ALLC: variants seen among roughly 807,000 people sequenced by gnomAD.
ALLC encodes the protein probable inactive allantoicase.
ALLC carries 40 observed loss-of-function variants against 45.0 expected under a neutral mutation model. That is an observed-to-expected ratio of 0.89 (90% CI 0.69 to 1.16). ALLC has a LOEUF of 1.16. Among genes scored for constraint, ALLC ranks in the 50% most tolerant of loss-of-function variants. The probability of loss-of-function intolerance (pLI) is 0.00; values close to 1 mark genes in which losing one functional copy is unlikely to be tolerated. For synonymous variants in ALLC, 176 were observed against 178.1 expected, an observed-to-expected ratio of 0.99 and a Z score of 0.09; for missense variants, 488 against 493.1, an observed-to-expected ratio of 0.99 and a Z score of 0.10.
chr2:3,652,982 T>C, the ALLC span, among the ~76,000 whole-genome samples: 1 of 152,222 alleles, frequency 6.6e-6, no homozygotes, highest in Non-Finnish European at 1.5e-5. Flanking sequence ...TGTTATGGTC[T>C]TGGCTGGGCT....
At chr2:3,668,566 C>CTTTTTTTTTTTTTTT (rs1173613810) in intron 1 of ALLC, among the ~76,000 whole-genome samples, 11 of 71,890 alleles carry the variant, frequency 1.5e-4, no homozygotes, top group African/African-American at 6.6e-4. Context: ...ATGTGTATGA[C>CTTTTTTTTTTTTTTT]TTTTTTTTTT....
At chr2:3,696,394 AT>A (rs541577905) in intron 9 of ALLC, 46 bp downstream of exon 9, 1 of 1,511,490 alleles carries the variant, frequency 6.6e-7, no homozygotes, top group Non-Finnish European at 9.0e-7. Context: ...TCTTAAAAGT[AT>A]TTTTTGGAAC....
At chr2:3,669,796 C>T (rs768220713) in intron 1 of ALLC, among the ~76,000 whole-genome samples, 4 of 152,080 alleles carry the variant, frequency 2.6e-5, no homozygotes, top group African/African-American at 9.7e-5. Context: ...GCTGCTCCTC[C>T]CGGAGGTGGG....
intron 9 of ALLC, 36 bp from the exon 10 acceptor site, chr2:3,697,312 A>T (rs1390085055): frequency 6.4e-7 from 1 of 1,559,590 alleles, no homozygotes; most frequent in African/African-American, 1.4e-5. Context: ...AATGACTCCA[A>T]GTTCGTTTAC....
intron 1 of ALLC, among the ~76,000 whole-genome samples, chr2:3,663,872 C>T (rs1389621182): frequency 6.6e-6 from 1 of 152,226 alleles, no homozygotes; most frequent in African/African-American, 2.4e-5. Flanking sequence ...GATGGAAAAT[C>T]TCTTCTGTTC....
chr2:3,702,167 T>A (rs1383693849), intron 11 of ALLC, among the ~76,000 whole-genome samples, 196 bp from the exon 12 acceptor site: 1 of 152,206 alleles, frequency 6.6e-6, no homozygotes, highest in Non-Finnish European at 1.5e-5. Flanking sequence ...TATTGGGGCC[T>A]GCTTATTCAT....
chr2:3,653,320 T>C (rs1442502048), upstream of ALLC, among the ~76,000 whole-genome samples: 10 of 152,182 alleles, frequency 6.6e-5, no homozygotes, highest in East Asian at 1.9e-3. The surrounding 1 kb of genome is among the most constrained non-coding windows in gnomAD (Gnocchi z 4.1). Context: ...GTGGCCACGT[T>C]TGCAGTTTGC....
chr2:3,696,634 A>G (rs1308727584), intron 9 of ALLC, among the ~76,000 whole-genome samples: 1 of 152,218 alleles, frequency 6.6e-6, no homozygotes, highest in East Asian at 1.9e-4. Context: ...TAATAATACA[A>G]AAGTTATGAA....
intron 7 of ALLC, among the ~76,000 whole-genome samples, chr2:3,691,521 C>G (rs974425737): frequency 3.9e-5 from 6 of 152,132 alleles, no homozygotes; most frequent in African/African-American, 1.4e-4. Flanking sequence ...CCTTGACCTC[C>G]CAAAGTGCTG....
chr2:3,654,855 A>G (rs1666408003), upstream of ALLC, among the ~76,000 whole-genome samples: 1 of 152,238 alleles, frequency 6.6e-6, no homozygotes, highest in Non-Finnish European at 1.5e-5. Context: ...GGACCGCATG[A>G]CTGTTTTCAG....
chr2:3,656,427 T>C (rs980203641), upstream of ALLC, among the ~76,000 whole-genome samples: 2 of 152,210 alleles, frequency 1.3e-5, no homozygotes, highest in African/African-American at 2.4e-5. Context: ...GAAAGTTCTG[T>C]AGCTGTGCAG....
At chr2:3,671,614 T>A (rs1178941896) in intron 2 of ALLC, among the ~76,000 whole-genome samples, 11 of 128,690 alleles carry the variant, frequency 8.5e-5, no homozygotes, top group Admixed American at 5.9e-4. Context: ...GGAGGTCCTC[T>A]GGCTCTGGTT....
At chr2:3,647,237 CCTTTA>C in the ALLC span, among the ~76,000 whole-genome samples, 141 of 152,260 alleles carry the variant, frequency 9.3e-4, 1 homozygote, top group African/African-American at 3.0e-3. Context: ...CAAAAATCCT[CCTTTA>C]CTTCAGTCAA....
chr2:3,664,392 C>T (rs1280092160), intron 1 of ALLC, among the ~76,000 whole-genome samples: 2 of 152,140 alleles, frequency 1.3e-5, no homozygotes, highest in Non-Finnish European at 2.9e-5. Context: ...ACAAATGGAG[C>T]TTGGCCAAGA....
At chr2:3,697,613 G>C (rs568458862) in intron 10 of ALLC, among the ~76,000 whole-genome samples, 157 bp downstream of exon 10, 7 of 105,622 alleles carry the variant, frequency 6.6e-5, no homozygotes, top group African/African-American at 2.5e-4. Context: ...TTAGAACTCT[G>C]TCTGTCTGTC....
intron 5 of ALLC, 52 bp from the exon 6 acceptor site, chr2:3,681,582 C>T: frequency 2.3e-6 from 3 of 1,310,588 alleles, no homozygotes; most frequent in Middle Eastern, 1.8e-4. Context: ...AGAGTAGATT[C>T]CCTTTGATTT....
rs1203972067 is a variant in ALLC at position 3,674,110 on chromosome 2, A to G, written c.69A>G (p.Ala23=). 6.4e-6 allele frequency: 10 copies of G among 1,562,080 alleles called. No individual in the cohort carries two copies. In the South Asian group the frequency reaches 1.1e-4, roughly 17 times the overall value. ...LFATDDFFAP[A]ENLIKSDSPC... ...CAACAGATGACTTTTTTGCTCCTGC[A>G]GAAAACCTCATAAAGGTATTGTAAA... Residue 23 remains alanine (A), a synonymous_variant, in exon 3 of 12, where the codon GCA becomes GCG. Transcript: ENST00000252505.
intron 1 of ALLC, among the ~76,000 whole-genome samples, chr2:3,667,171 C>T (rs1434253588): frequency 3.3e-5 from 5 of 152,152 alleles, no homozygotes; most frequent in African/African-American, 4.8e-5. Flanking sequence ...GGCATCCACC[C>T]CTAAAGGGAG....
chr2:3,671,311 C>T, intron 2 of ALLC, 121 bp downstream of exon 2: 1 of 1,136,126 alleles, frequency 8.8e-7, no homozygotes, highest in Admixed American at 2.2e-5. Context: ...TTGGCCTGCC[C>T]AAGGAAACCC....
Sources: allele counts gnomAD v4.1 joint callset (sites outside exome capture counted in the v4.1 genomes callset), GRCh38; gene constraint gnomAD v4.1.1; non-coding constraint Gnocchi (gnomAD v3.1); transcripts MANE v1.5; gene names NCBI Gene and HGNC (gene_info 2026-07-23, HGNC 2026-07-21).